RFX3: variants seen among roughly 807,000 people sequenced by gnomAD.
The protein encoded by RFX3 is regulatory factor X3, also known as transcription factor RFX3.
In RFX3, 14 loss-of-function variants were observed where a neutral mutation model predicts 98.6. The ratio of observed to expected loss-of-function variants is 0.14; its 90% CI spans 0.09 to 0.22. RFX3 has a LOEUF of 0.22. RFX3 is among the 10% of genes least tolerant of loss of function. RFX3 has a pLI of 1.00. For synonymous variants in RFX3, 383 were observed against 328.4 expected, an observed-to-expected ratio of 1.17 and a Z score of -1.80; for missense variants, 639 against 926.9, an observed-to-expected ratio of 0.69 and a Z score of 4.03.
chr9:3,494,372 T>C (rs1850958690), intron 1 of RFX3, among the ~76,000 whole-genome samples: 1 of 152,050 alleles, frequency 6.6e-6, no homozygotes, highest in African/African-American at 2.4e-5. Context: ...TATCCAGTCA[T>C]GTACTGATAA....
intron 7 of RFX3, among the ~76,000 whole-genome samples, chr9:3,282,114 T>G (rs1473848906): frequency 6.6e-6 from 1 of 151,786 alleles, no homozygotes. Context: ...GCTAGAATTT[T>G]CTACTGGAAT....
intron 2 of RFX3, among the ~76,000 whole-genome samples, chr9:3,368,901 T>C (rs1338576189): frequency 6.6e-6 from 1 of 152,244 alleles, no homozygotes; most frequent in Non-Finnish European, 1.5e-5. Context: ...GAGAGAAAGA[T>C]AATTTTATTT....
intron 1 of RFX3, among the ~76,000 whole-genome samples, chr9:3,512,202 T>C (rs57134532): frequency 1.0e-3 from 159 of 152,194 alleles, no homozygotes; most frequent in African/African-American, 3.4e-3. Flanking sequence ...GAATCTGTTG[T>C]TAGCATAAGA....
intron 4 of RFX3, among the ~76,000 whole-genome samples, chr9:3,325,244 C>G (rs1831780036): frequency 6.6e-6 from 1 of 152,208 alleles, no homozygotes; most frequent in African/African-American, 2.4e-5. Context: ...TTCCCTTACA[C>G]CAAATTCATA....
chr9:3,372,525 CT>C (rs924241055), intron 2 of RFX3, among the ~76,000 whole-genome samples: 6 of 150,600 alleles, frequency 4.0e-5, no homozygotes, highest in Admixed American at 1.3e-4. Flanking sequence ...CACCTGCCAT[CT>C]TTTTTTTCTT....
chr9:3,484,626 A>G (rs542696738), intron 1 of RFX3, among the ~76,000 whole-genome samples: 1 of 152,322 alleles, frequency 6.6e-6, no homozygotes, highest in African/African-American at 2.4e-5. Flanking sequence ...TCTACTTCAC[A>G]TGTGGTTTTC....
intron 1 of RFX3, among the ~76,000 whole-genome samples, chr9:3,474,131 T>A (rs1292089605): frequency 6.6e-6 from 1 of 152,308 alleles, no homozygotes; most frequent in South Asian, 2.1e-4. Flanking sequence ...CTCAATTTTT[T>A]AATCTATATT....
At chr9:3,251,126 A>G (rs930155749) in intron 14 of RFX3, among the ~76,000 whole-genome samples, 1 of 152,200 alleles carries the variant, frequency 6.6e-6, no homozygotes, top group Non-Finnish European at 1.5e-5. Context: ...ACATAATGAA[A>G]TAGTATGAGG....
intron 2 of RFX3, among the ~76,000 whole-genome samples, chr9:3,390,337 G>A (rs1424636677): frequency 6.6e-6 from 1 of 152,174 alleles, no homozygotes; most frequent in African/African-American, 2.4e-5. Flanking sequence ...CTGGATAACA[G>A]GCAGAGGTTG....
intron 12 of RFX3, among the ~76,000 whole-genome samples, chr9:3,263,890 G>A (rs1823254916): frequency 1.3e-5 from 2 of 152,148 alleles, no homozygotes; most frequent in Non-Finnish European, 2.9e-5. Flanking sequence ...CTTATTCACT[G>A]CAACCTCTGC....
At chr9:3,321,530 T>G (rs1831321319) in intron 4 of RFX3, among the ~76,000 whole-genome samples, 1 of 152,208 alleles carries the variant, frequency 6.6e-6, no homozygotes, top group African/African-American at 2.4e-5. Flanking sequence ...GACTGCCTGT[T>G]CTTGTACTTG....
chr9:3,468,850 A>G (rs1848545664), intron 1 of RFX3, among the ~76,000 whole-genome samples: 1 of 151,578 alleles, frequency 6.6e-6, no homozygotes, highest in East Asian at 1.9e-4. Context: ...AAAAAAAAGA[A>G]GAAAAACCGC....
chr9:3,340,764 G>C (rs1456649648), intron 3 of RFX3, among the ~76,000 whole-genome samples: 1 of 152,202 alleles, frequency 6.6e-6, no homozygotes, highest in African/African-American at 2.4e-5. Flanking sequence ...ACAGGTGCTG[G>C]AGAGGATGTG....
intron 10 of RFX3, 66 bp from the exon 11 acceptor site, chr9:3,270,591 A>G: frequency 6.7e-7 from 1 of 1,491,804 alleles, no homozygotes; most frequent in East Asian, 2.3e-5. Flanking sequence ...ATGGACTTTA[A>G]AAATAGTTTA....
chr9:3,344,664 C>A (rs1834245525), intron 3 of RFX3: 1 of 583,008 alleles, frequency 1.7e-6, no homozygotes, highest in Non-Finnish European at 3.1e-6. Context: ...CTCCCATTCT[C>A]ACATTCCCCT....
chr9:3,225,418 GTTTTC>G, intron 16 of RFX3, 138 bp from the exon 17 acceptor site: 1 of 1,325,766 alleles, frequency 7.5e-7, no homozygotes, highest in Non-Finnish European at 1.0e-6. Context: ...AAGCTTAGAG[GTTTTC>G]TTTTCATCAG....
At chr9:3,451,940 T>G (rs547564147) in intron 1 of RFX3, among the ~76,000 whole-genome samples, 1 of 152,244 alleles carries the variant, frequency 6.6e-6, no homozygotes, top group South Asian at 2.1e-4. Context: ...CAATTTCAAT[T>G]GTACAATTCT....
At chr9:3,470,274 A>G (rs1019046175) in intron 1 of RFX3, among the ~76,000 whole-genome samples, 6 of 151,774 alleles carry the variant, frequency 4.0e-5, no homozygotes, top group African/African-American at 1.5e-4. Context: ...TTCCATCTCA[A>G]CTTTTCACAA....
intron 3 of RFX3, among the ~76,000 whole-genome samples, chr9:3,331,797 T>C (rs184846293): frequency 1.3e-5 from 2 of 152,302 alleles, no homozygotes; most frequent in East Asian, 3.9e-4. Context: ...ACCATATACA[T>C]GCTCTTAGTA....
Sources: gnomAD v4.1 joint callset for allele counts (sites outside exome capture counted in the v4.1 genomes callset) on GRCh38, gnomAD v4.1.1 for gene constraint, MANE v1.5 for transcripts, NCBI Gene and HGNC (gene_info 2026-07-23, HGNC 2026-07-21) for gene names.